Variants in GNL2 observed in about 807,000 individuals in gnomAD.
The protein encoded by GNL2 is G protein nucleolar 2.
In GNL2, 51 loss-of-function variants were observed where a neutral mutation model predicts 92.3. The ratio of observed to expected loss-of-function variants is 0.55; its 90% CI spans 0.44 to 0.70. The LOEUF is 0.70. Among genes scored for constraint, GNL2 ranks in the 30% least tolerant of loss-of-function variants. GNL2 has a pLI of 0.00. For missense variants in GNL2, 844 were observed against 895.6 expected, an observed-to-expected ratio of 0.94 and a Z score of 0.74; for synonymous variants, 283 against 300.6, an observed-to-expected ratio of 0.94 and a Z score of 0.61.
chr1:37,594,414 T>C (rs1044318577), intron 1 of GNL2, among the ~76,000 whole-genome samples: 3 of 152,254 alleles, frequency 2.0e-5, no homozygotes, highest in African/African-American at 7.2e-5. Flanking sequence ...GTTTGATTTT[T>C]GTTTAATCAA....
rs1468198950 is a variant in GNL2 at position 37,582,770 on chromosome 1, G to C, written c.795+8C>G. On this transcript the variant is annotated splice_region_variant and intron_variant, in intron 7 of 15. Coordinates refer to ENST00000373062, the MANE Select transcript of GNL2 (RefSeq NM_013285.3). Reference sequence around the variant, plus strand: ...AATAGTCTATTCTGGTTTAGTAGTTGTACTTACTGTTGCCCAGGTTGGAAC... The same window carrying C: ...AATAGTCTATTCTGGTTTAGTAGTTCTACTTACTGTTGCCCAGGTTGGAAC... The C allele has an allele frequency of 1.2e-6, 2 of 1,606,138 alleles. No individual in the cohort carries two copies. Among genetic ancestry groups the C allele is most frequent in the Non-Finnish European group, 1.7e-6 (2 of 1,175,478 alleles).
rs1643753782 is a variant in GNL2 at position 37,580,709 on chromosome 1, C to T, written c.909+1514G>A. 2.0e-5 allele frequency among the ~76,000 whole-genome samples: 3 copies of T among 152,328 alleles called. No individual in the cohort carries two copies. The South Asian group carries it at 6.2e-4, about 32-fold the overall frequency. On this transcript the variant is annotated intron_variant, in intron 8 of 15. Coordinates refer to ENST00000373062, the MANE Select transcript of GNL2 (RefSeq NM_013285.3). Reference sequence around the variant, plus strand: ...GAGTGCTGGCCACCGAAGGGAACTACCTGTGCTGCCTGGAAGCTCTGACAG... The same window carrying T: ...GAGTGCTGGCCACCGAAGGGAACTATCTGTGCTGCCTGGAAGCTCTGACAG...
intron 2 of GNL2, chr1:37,593,534 C>T (rs1480284227): frequency 2.8e-5 from 13 of 471,630 alleles, no homozygotes; most frequent in Middle Eastern, 1.1e-3. Context: ...GAAACAAGAC[C>T]TCTACTTTTG....
chr1:37,573,064 C>T (rs1643619064), intron 12 of GNL2, among the ~76,000 whole-genome samples: 1 of 152,152 alleles, frequency 6.6e-6, no homozygotes, highest in East Asian at 1.9e-4. Context: ...CTGTGGCCAA[C>T]AGGAGACACT....
In GNL2 at chr1:37,575,956, T is replaced by G. The variant is rs1453612180; in HGVS notation, c.1039-257A>C. ...AGGATTTCCATCTCGTATTGTGCAATTATACCCGGTGAACCTTTCCTGAGT... is the reference window on the plus strand; with the variant it reads ...AGGATTTCCATCTCGTATTGTGCAAGTATACCCGGTGAACCTTTCCTGAGT... On this transcript the variant is annotated intron_variant, in intron 9 of 15. Transcript: ENST00000373062. This position sits in a 1 kb window ranked among gnomAD's most constrained non-coding sequence, Gnocchi z 4.1. Among the ~76,000 whole-genome samples the G allele has an allele frequency of 1.3e-5, 2 of 152,204 alleles. No individual in the cohort carries two copies. Among genetic ancestry groups the G allele is most frequent in the Admixed American group, 6.5e-5 (1 of 15,284 alleles).
chr1:37,577,170 C>T (rs1330419525), intron 8 of GNL2, among the ~76,000 whole-genome samples: 2 of 151,680 alleles, frequency 1.3e-5, no homozygotes, highest in Non-Finnish European at 2.9e-5. Flanking sequence ...TAGAACAATG[C>T]CATCTATTGA....
At chr1:37,581,547 TG>T (rs1380311115) in intron 8 of GNL2, 1 of 456,032 alleles carries the variant, frequency 2.2e-6, no homozygotes, top group Non-Finnish European at 4.4e-6. Context: ...GTGCCAGGGC[TG>T]TGGCAGAAAT....
intron 4 of GNL2, among the ~76,000 whole-genome samples, chr1:37,590,209 C>T (rs1362934016): frequency 6.6e-6 from 1 of 152,160 alleles, no homozygotes; most frequent in Non-Finnish European, 1.5e-5. Context: ...CAGGTTCAAG[C>T]GATTCTCCTG....
intron 3 of GNL2, among the ~76,000 whole-genome samples, chr1:37,591,324 A>G (rs1557645605): frequency 6.6e-6 from 1 of 152,310 alleles, no homozygotes; most frequent in East Asian, 1.9e-4. Flanking sequence ...GGAACAAGAT[A>G]GAGCCCTGCA....
chr1:37,577,876 CAT>C (rs1409669556), intron 8 of GNL2, among the ~76,000 whole-genome samples: 4 of 152,196 alleles, frequency 2.6e-5, no homozygotes, highest in Non-Finnish European at 4.4e-5. Context: ...TGAAATGTCA[CAT>C]GTTTGAAAGT....
chr1:37,567,201 T>C (rs943314813), intron 15 of GNL2, among the ~76,000 whole-genome samples, 194 bp from the exon 16 acceptor site: 1 of 152,100 alleles, frequency 6.6e-6, no homozygotes, highest in African/African-American at 2.4e-5. Context: ...CTTATGCAAC[T>C]CCAAGTTACA....
At chr1:37,579,377 G>A (rs184776652) in intron 8 of GNL2, among the ~76,000 whole-genome samples, 55 of 152,056 alleles carry the variant, frequency 3.6e-4, no homozygotes, top group Admixed American at 1.2e-3. Flanking sequence ...GAGAAGCCCC[G>A]TCTCTACTAA....
intron 8 of GNL2, among the ~76,000 whole-genome samples, chr1:37,580,186 C>T (rs545395325): frequency 1.3e-5 from 2 of 152,100 alleles, no homozygotes; most frequent in African/African-American, 2.4e-5. Context: ...CCCAGCACTT[C>T]AGGAGGCCAA....
At chr1:37,584,190 TGTAATTCCAGCACTTTGGGAG>T (rs1165283116) in intron 5 of GNL2, among the ~76,000 whole-genome samples, 1 of 152,182 alleles carries the variant, frequency 6.6e-6, no homozygotes, top group African/African-American at 2.4e-5. Context: ...GGCTCACACC[TGTAATTCCAGCACTTTGGGAG>T]GCCAAGGAGG....
At position 37,592,782 on chromosome 1, in the gene GNL2, T is replaced by G. The variant is rs1643895555; in HGVS notation, c.174A>C (p.Lys58Asn). The change falls in exon 3 of 16, where the codon AAA becomes AAC. Residue 58 changes from lysine (K) to asparagine (N), a missense_variant. Transcript: ENST00000373062. The stretch of plus-strand genomic sequence containing the variant: ...CCACCGTTGATTGATATTGCAGGGG[T>G]TTAATTATTTTACCACGACTGTTCC... Reference protein sequence around the residue: ...ERRNSRGKIIKPLQYQSTVAS... With the variant: ...ERRNSRGKIINPLQYQSTVAS... 6.2e-7 allele frequency: 1 copy of G among 1,603,988 alleles called. No homozygotes were observed. Among genetic ancestry groups the G allele is most frequent in the African/African-American group, 1.3e-5 (1 of 74,844 alleles).
intron 9 of GNL2, chr1:37,576,214 C>A: frequency 2.1e-6 from 1 of 487,500 alleles, no homozygotes; most frequent in Non-Finnish European, 3.6e-6. Context: ...TTAACTAACA[C>A]AGGCCAAAGC....
intron 3 of GNL2, 109 bp from the exon 4 acceptor site, chr1:37,590,954 T>C: frequency 3.2e-6 from 3 of 930,936 alleles, no homozygotes; most frequent in South Asian, 1.7e-5. Flanking sequence ...CCCAAGCACC[T>C]GATCCATCCA....
chr1:37,580,826 C>G (rs955079893), intron 8 of GNL2, among the ~76,000 whole-genome samples: 1 of 152,174 alleles, frequency 6.6e-6, no homozygotes, highest in African/African-American at 2.4e-5. Flanking sequence ...AAGCTTCGAT[C>G]AGAAAGGAAT....
chr1:37,574,936 G>GCCAATCTCCAC, intron 10 of GNL2, 113 bp from the exon 11 acceptor site: 1 of 742,070 alleles, frequency 1.3e-6, no homozygotes, highest in Non-Finnish European at 2.2e-6. Flanking sequence ...CAAAGCTCGT[G>GCCAATCTCCAC]GAGATTGGCA....
Sources: gnomAD v4.1 joint callset for allele counts (sites outside exome capture counted in the v4.1 genomes callset) on GRCh38, gnomAD v4.1.1 for gene constraint, Gnocchi (gnomAD v3.1) non-coding constraint, MANE v1.5 for transcripts, NCBI Gene and HGNC (gene_info 2026-07-23, HGNC 2026-07-21) for gene names.